Variants in CMIP observed in about 807,000 individuals in gnomAD.
CMIP encodes the protein c-Maf inducing protein, also known as C-Maf-inducing protein.
CMIP carries 13 observed loss-of-function variants against 97.3 expected under a neutral mutation model. That is an observed-to-expected ratio of 0.13 (90% CI 0.09 to 0.21). CMIP has a LOEUF of 0.21. Among genes scored for constraint, CMIP ranks in the 10% least tolerant of loss-of-function variants. The pLI, the probability that CMIP is intolerant of heterozygous loss-of-function variation, is 1.00. For synonymous variants in CMIP, 538 were observed against 436.3 expected (o/e 1.23, Z -2.91); for missense variants, 847 against 1,024.9 (o/e 0.83, Z 2.37).
chr16:81,477,993 G>C (rs990282536), intron 1 of CMIP, among the ~76,000 whole-genome samples: 6 of 152,230 alleles, frequency 3.9e-5, no homozygotes, highest in Admixed American at 3.9e-4. Flanking sequence ...AGAGCATCTG[G>C]GAAATGTAAG....
At chr16:81,560,400 C>A (rs530169289) in intron 1 of CMIP, among the ~76,000 whole-genome samples, 1 of 151,924 alleles carries the variant, frequency 6.6e-6, no homozygotes, top group African/African-American at 2.4e-5. Flanking sequence ...TTGTATTTTT[C>A]ATAGAGATGG....
Position 81,647,366 on chromosome 16 carries a change from G to A in CMIP, c.478-4837G>A, listed in dbSNP as rs749579584. ...GTTGCATATTCTGTGTTTATTTTCC[G>A]TCACAACTCCTACAGTTTGTGAGAC... On this transcript the variant is annotated intron_variant, in intron 3 of 20. Transcript: ENST00000537098. Among the ~76,000 whole-genome samples, 27 of 152,094 alleles carry A rather than the reference G, an allele frequency of 1.8e-4. 1 individual carries two copies. The highest frequency in any genetic ancestry group is 3.4e-4 in the Non-Finnish European group (23 of 68,028).
At chr16:81,554,799 C>A (rs2090728779) in intron 1 of CMIP, among the ~76,000 whole-genome samples, 1 of 152,180 alleles carries the variant, frequency 6.6e-6, no homozygotes, top group Non-Finnish European at 1.5e-5. Context: ...CTGTGGGACC[C>A]AACGAAAGCA....
intron 1 of CMIP, among the ~76,000 whole-genome samples, chr16:81,549,591 A>G (rs1011170506): frequency 3.9e-5 from 6 of 152,176 alleles, no homozygotes; most frequent in African/African-American, 1.4e-4. Context: ...GTGAAATGCC[A>G]GTGGTCCTGA....
At chr16:81,540,194 G>A (rs1459842569) in intron 1 of CMIP, among the ~76,000 whole-genome samples, 2 of 152,218 alleles carry the variant, frequency 1.3e-5, no homozygotes, top group African/African-American at 4.8e-5. Context: ...TTAGTGACCA[G>A]CATCGCTGGC....
At chr16:81,665,418 G>C (rs1450555099) in intron 7 of CMIP, 1 of 152,124 alleles carries the variant, frequency 6.6e-6, no homozygotes, top group Admixed American at 6.5e-5. Flanking sequence ...AGTGTATTGT[G>C]TTATTAACCC....
At chr16:81,656,970 G>A (rs1416795846) in intron 4 of CMIP, among the ~76,000 whole-genome samples, 1 of 152,036 alleles carries the variant, frequency 6.6e-6, no homozygotes, top group East Asian at 1.9e-4. Flanking sequence ...CAAAGGAAAC[G>A]TTCATTGGAG....
chr16:81,703,657 G>A (rs1907682406), intron 17 of CMIP, among the ~76,000 whole-genome samples: 2 of 151,926 alleles, frequency 1.3e-5, no homozygotes, highest in Non-Finnish European at 1.5e-5. Context: ...CGTGGCCTTG[G>A]AACACCCCGC....
intron 1 of CMIP, among the ~76,000 whole-genome samples, chr16:81,553,583 C>T (rs141373170): frequency 5.6e-4 from 86 of 152,320 alleles, no homozygotes; most frequent in African/African-American, 1.6e-3. Context: ...TTTCACCCGG[C>T]AGTGGGGAGG....
At chr16:81,566,729 A>G (rs577912103) in intron 1 of CMIP, among the ~76,000 whole-genome samples, 62 of 152,370 alleles carry the variant, frequency 4.1e-4, no homozygotes, top group African/African-American at 1.5e-3. Context: ...TAGTCATAGT[A>G]GCCTCCAACT....
chr16:81,498,213 G>T (rs2089528751), intron 1 of CMIP, among the ~76,000 whole-genome samples: 1 of 152,240 alleles, frequency 6.6e-6, no homozygotes, highest in Admixed American at 6.5e-5. Context: ...TTCTAGGACA[G>T]TCAAGAAGGT....
intron 1 of CMIP, among the ~76,000 whole-genome samples, chr16:81,561,351 C>T (rs936344371): frequency 6.6e-6 from 1 of 152,142 alleles, no homozygotes; most frequent in Non-Finnish European, 1.5e-5. Flanking sequence ...GTGTCCTTTC[C>T]TGGGTTCAGG....
intron 1 of CMIP, among the ~76,000 whole-genome samples, chr16:81,516,514 C>G (rs948029997): frequency 7.2e-5 from 11 of 152,234 alleles, no homozygotes; most frequent in African/African-American, 2.4e-4. Flanking sequence ...CCTGGACACT[C>G]TCATGCTCTT....
chr16:81,587,628 G>A (rs1454950950), intron 1 of CMIP, among the ~76,000 whole-genome samples: 1 of 152,204 alleles, frequency 6.6e-6, no homozygotes, highest in Non-Finnish European at 1.5e-5. Context: ...GCCACCCAAT[G>A]GGTGAGCTAC....
chr16:81,487,104 C>T (rs1262826161), intron 1 of CMIP, among the ~76,000 whole-genome samples: 1 of 152,104 alleles, frequency 6.6e-6, no homozygotes, highest in Non-Finnish European at 1.5e-5. Context: ...TGTGCTTGGC[C>T]TCTGGTCATG....
intron 1 of CMIP, among the ~76,000 whole-genome samples, chr16:81,555,342 G>C (rs543687086): frequency 6.6e-5 from 10 of 152,254 alleles, no homozygotes; most frequent in African/African-American, 2.4e-4. Flanking sequence ...CTAGACTGTG[G>C]GAGTCCCCAA....
chr16:81,588,696 TTCTG>T (rs1445738398), intron 1 of CMIP, among the ~76,000 whole-genome samples: 1 of 152,184 alleles, frequency 6.6e-6, no homozygotes, highest in Non-Finnish European at 1.5e-5. Context: ...TATTTGTCTT[TTCTG>T]TCTGTCTCCC....
intron 1 of CMIP, among the ~76,000 whole-genome samples, chr16:81,601,692 CAA>C (rs1003042848): frequency 6.6e-6 from 1 of 152,166 alleles, no homozygotes; most frequent in African/African-American, 2.4e-5. Context: ...AGCAAAAAGA[CAA>C]AGGCAGAGTT....
intron 1 of CMIP, among the ~76,000 whole-genome samples, chr16:81,452,273 C>A (rs1350782584): frequency 1.3e-5 from 2 of 152,076 alleles, no homozygotes; most frequent in Non-Finnish European, 2.9e-5. Flanking sequence ...CAGGTGGTGA[C>A]CTTGGGCAGG....
Sources: allele counts gnomAD v4.1 joint callset (sites outside exome capture counted in the v4.1 genomes callset), GRCh38; gene constraint gnomAD v4.1.1; transcripts MANE v1.5; gene names NCBI Gene and HGNC (gene_info 2026-07-23, HGNC 2026-07-21).